DISC1: variants seen among roughly 807,000 people sequenced by gnomAD.
DISC1 encodes the protein disrupted in schizophrenia 1 protein.
In DISC1, 57 loss-of-function variants were observed where a neutral mutation model predicts 84.5. That is an observed-to-expected ratio of 0.67 (90% CI 0.55 to 0.84). The LOEUF (loss-of-function observed/expected upper bound fraction) is 0.84. Ranked by LOEUF, DISC1 falls within the 40% of genes least tolerant of loss-of-function variation. The pLI, the probability that DISC1 is intolerant of heterozygous loss-of-function variation, is 0.00. For synonymous variants in DISC1, 411 were observed against 415.2 expected (o/e 0.99, Z 0.12); for missense variants, 1,000 against 1,057.8 (o/e 0.95, Z 0.76).
intron 9 of DISC1, among the ~76,000 whole-genome samples, chr1:231,849,167 C>G (rs1419222475): frequency 1.4e-5 from 2 of 145,680 alleles, no homozygotes; most frequent in Non-Finnish European, 3.0e-5. Context: ...GTTGCCTAGG[C>G]TGGAGTGCAA....
chr1:231,706,518 G>A (rs2067121096), intron 3 of DISC1, among the ~76,000 whole-genome samples: 1 of 152,204 alleles, frequency 6.6e-6, no homozygotes, highest in Non-Finnish European at 1.5e-5. Flanking sequence ...AGCAAGGAGA[G>A]ATTGTGAAAA....
At chr1:231,810,877 C>A (rs568872907) in intron 8 of DISC1, among the ~76,000 whole-genome samples, 3 of 152,170 alleles carry the variant, frequency 2.0e-5, no homozygotes, top group African/African-American at 7.2e-5. Flanking sequence ...TACTAGAGAG[C>A]AATTTGGCTT....
intron 12 of DISC1, among the ~76,000 whole-genome samples, chr1:232,035,573 G>A (rs1329549586): frequency 6.6e-6 from 1 of 152,194 alleles, no homozygotes; most frequent in Non-Finnish European, 1.5e-5. Flanking sequence ...TAAACAGTCA[G>A]ACTCCCTTTC....
chr1:231,785,995 C>G (rs1426212325), intron 6 of DISC1, among the ~76,000 whole-genome samples: 2 of 152,114 alleles, frequency 1.3e-5, no homozygotes, highest in Non-Finnish European at 2.9e-5. Context: ...TTTCTAATAT[C>G]TAATATATCT....
Position 232,026,438 on chromosome 1 carries a change from T to TCTTA in DISC1, c.2313_2316dup (p.Ile773LeufsTer12). 1 of 1,598,452 alleles carries TCTTA rather than the reference T, an allele frequency of 6.3e-7. No individual in the cohort carries two copies. Among genetic ancestry groups the TCTTA allele is most frequent in the South Asian group, 1.1e-5 (1 of 87,998 alleles). On this transcript the variant is annotated frameshift_variant, in exon 12 of 13. Coordinates refer to ENST00000439617, the MANE Select transcript of DISC1 (RefSeq NM_018662.3). LOFTEE classifies it high-confidence loss of function. ...CTTGTTTTCCCCCTCTCGCCAGGAATCTTACATCCTTTCTGCAGAACTTGG... is the reference window on the plus strand; with the variant it reads ...CTTGTTTTCCCCCTCTCGCCAGGAATCTTACTTACATCCTTTCTGCAGAACTTGG...
At chr1:231,965,811 A>G (rs968950934) in intron 10 of DISC1, among the ~76,000 whole-genome samples, 7 of 151,996 alleles carry the variant, frequency 4.6e-5, no homozygotes, top group Non-Finnish European at 1.0e-4. Flanking sequence ...CATCCTTATG[A>G]CTCAGCACAA....
intron 1 of DISC1, among the ~76,000 whole-genome samples, chr1:231,692,383 C>T (rs1052134121): frequency 6.6e-6 from 1 of 152,200 alleles, no homozygotes; most frequent in Non-Finnish European, 1.5e-5. Flanking sequence ...AAGTCTTGGG[C>T]TCTGTTATCT....
chr1:231,961,032 C>T (rs1350047257), intron 10 of DISC1, among the ~76,000 whole-genome samples: 2 of 152,226 alleles, frequency 1.3e-5, no homozygotes, highest in Admixed American at 6.5e-5. Flanking sequence ...GGGAAAGGGG[C>T]ACCAAGCTTT....
At chr1:231,770,018 G>A (rs2125451895) in intron 5 of DISC1, among the ~76,000 whole-genome samples, 1 of 152,258 alleles carries the variant, frequency 6.6e-6, no homozygotes, top group Admixed American at 6.5e-5. Flanking sequence ...AGTTGTAGGT[G>A]ATGCACCTCG....
chr1:232,025,772 A>G (rs1198851831), intron 11 of DISC1, among the ~76,000 whole-genome samples: 1 of 151,904 alleles, frequency 6.6e-6, no homozygotes, highest in Non-Finnish European at 1.5e-5. Flanking sequence ...AATTTTTTGT[A>G]TTCTTAGTAA....
rs573196834 is a variant in DISC1 at position 231,712,008 on chromosome 1, A to G, written c.1117+9984A>G. ...CCAGATTATCTGAGGTGGGTCCTAT[A>G]TGACATCAGATCATGTCTGAGAGAC... is the stretch of plus-strand genomic sequence containing the variant. On this transcript the variant is annotated intron_variant, in intron 3 of 12. Transcript: ENST00000439617. Among the ~76,000 whole-genome samples, 6 of 152,274 alleles carry G rather than the reference A, an allele frequency of 3.9e-5. No individual in the cohort carries two copies. In the South Asian group the frequency reaches 1.0e-3, roughly 26 times the overall value.
chr1:231,867,072 G>A (rs1450028717), intron 9 of DISC1, among the ~76,000 whole-genome samples: 3 of 152,184 alleles, frequency 2.0e-5, no homozygotes, highest in African/African-American at 7.2e-5. Flanking sequence ...CTTGAGGCCT[G>A]GCGTCAAACC....
At chr1:231,648,488 A>G (rs1386547809) in intron 1 of DISC1, among the ~76,000 whole-genome samples, 1 of 152,224 alleles carries the variant, frequency 6.6e-6, no homozygotes, top group Non-Finnish European at 1.5e-5. Flanking sequence ...TTTTGCATCG[A>G]CGTTCATCAG....
At chr1:231,819,205 A>G in intron 9 of DISC1, 5 of 831,306 alleles carry the variant, frequency 6.0e-6, no homozygotes, top group Non-Finnish European at 5.8e-6. Context: ...TTACTAAAAC[A>G]AATGAAAGAA....
intron 9 of DISC1, among the ~76,000 whole-genome samples, chr1:231,840,326 A>T (rs2082943146): frequency 6.6e-6 from 1 of 152,202 alleles, no homozygotes; most frequent in Non-Finnish European, 1.5e-5. Flanking sequence ...CTAGAAATAA[A>T]AATTTATATC....
chr1:231,931,823 A>AT (rs538746775), intron 9 of DISC1, among the ~76,000 whole-genome samples: 194 of 151,960 alleles, frequency 1.3e-3, no homozygotes, highest in African/African-American at 4.4e-3. Context: ...AATTAAAAAA[A>AT]ATTTTTTTTT....
intron 4 of DISC1, among the ~76,000 whole-genome samples, chr1:231,762,205 T>C (rs1483064269): frequency 1.5e-4 from 3 of 19,362 alleles, no homozygotes; most frequent in African/African-American, 3.3e-4. Context: ...TTTCTTTTCT[T>C]TTCTTTTCTC....
At chr1:231,996,211 G>A (rs1665932559) in intron 10 of DISC1, among the ~76,000 whole-genome samples, 1 of 152,052 alleles carries the variant, frequency 6.6e-6, no homozygotes, top group South Asian at 2.1e-4. Context: ...TTGTAAATTT[G>A]TTTGTGTTCA....
At chr1:231,764,740 A>T (rs567036019) in intron 4 of DISC1, among the ~76,000 whole-genome samples, 1 of 152,222 alleles carries the variant, frequency 6.6e-6, no homozygotes, top group Non-Finnish European at 1.5e-5. Flanking sequence ...TGCAATCAAT[A>T]CTTGGATGTG....
Sources: gnomAD v4.1 joint callset for allele counts (sites outside exome capture counted in the v4.1 genomes callset) on GRCh38, gnomAD v4.1.1 for gene constraint, MANE v1.5 for transcripts, NCBI Gene and HGNC (gene_info 2026-07-23, HGNC 2026-07-21) for gene names.